GREM2: variants seen among roughly 807,000 people sequenced by gnomAD.
The protein encoded by GREM2 is gremlin 2, DAN family BMP antagonist, also known as gremlin-2.
A neutral mutation model predicts 14.2 loss-of-function variants in GREM2; 11 were observed. The observed-to-expected ratio is 0.78, with a 90% CI of 0.49 to 1.28. The LOEUF (loss-of-function observed/expected upper bound fraction) is 1.28. GREM2 is among the 50% of genes most tolerant of loss of function. The pLI is 0.00. For synonymous variants in GREM2, 98 were observed against 97.6 expected, an observed-to-expected ratio of 1.00 and a Z score of -0.02; for missense variants, 210 against 218.5, an observed-to-expected ratio of 0.96 and a Z score of 0.24.
chr1:240,500,873 G>A (rs551401246), intron 1 of GREM2, among the ~76,000 whole-genome samples: 8 of 152,190 alleles, frequency 5.3e-5, no homozygotes, highest in South Asian at 2.1e-4. Flanking sequence ...GGCACCGGGC[G>A]GTGGAAATGC....
chr1:240,541,947 C>T (rs906069679), intron 1 of GREM2, among the ~76,000 whole-genome samples: 8 of 152,108 alleles, frequency 5.3e-5, no homozygotes, highest in Middle Eastern at 3.2e-3. Flanking sequence ...CCTATCTCCA[C>T]GTCTCTACTC....
At chr1:240,493,761 C>T (rs562678611) in intron 1 of GREM2, among the ~76,000 whole-genome samples, 7 of 152,184 alleles carry the variant, frequency 4.6e-5, no homozygotes, top group African/African-American at 7.2e-5. Context: ...GAACTCCTGG[C>T]CTCAAGCGCT....
chr1:240,520,054 T>C (rs1038608636), intron 1 of GREM2, among the ~76,000 whole-genome samples: 1 of 138,420 alleles, frequency 7.2e-6, no homozygotes, highest in African/African-American at 2.8e-5. Flanking sequence ...CACTCCAGCC[T>C]GGGCAACAAG....
intron 1 of GREM2, among the ~76,000 whole-genome samples, chr1:240,520,607 A>G (rs1678062641): frequency 1.3e-5 from 2 of 152,064 alleles, no homozygotes; most frequent in Admixed American, 6.5e-5. Flanking sequence ...CAGTGGTACA[A>G]TCTCGGCTCA....
intron 1 of GREM2, among the ~76,000 whole-genome samples, chr1:240,565,862 AC>A (rs1410689158): frequency 4.0e-5 from 6 of 151,264 alleles, no homozygotes; most frequent in South Asian, 2.1e-4. Flanking sequence ...AAAAAAAAAA[AC>A]AAAACAAAAC....
At chr1:240,499,463 A>C (rs529980129) in intron 1 of GREM2, among the ~76,000 whole-genome samples, 47 of 152,310 alleles carry the variant, frequency 3.1e-4, no homozygotes, top group African/African-American at 1.1e-3. Flanking sequence ...CCCATTACCC[A>C]AGTGAAAACC....
intron 1 of GREM2, chr1:240,549,761 G>A (rs887607825): frequency 7.2e-5 from 11 of 152,324 alleles, no homozygotes; most frequent in Non-Finnish European, 1.2e-4. Context: ...AAGGCAGAAA[G>A]GGGAAGGTAC....
At chr1:240,520,486 A>G (rs1678059776) in intron 1 of GREM2, among the ~76,000 whole-genome samples, 1 of 152,234 alleles carries the variant, frequency 6.6e-6, no homozygotes, top group Non-Finnish European at 1.5e-5. Flanking sequence ...TAGATGTTTC[A>G]TAAAAGTGTC....
intron 1 of GREM2, among the ~76,000 whole-genome samples, chr1:240,514,491 T>C (rs2103295225): frequency 6.6e-6 from 1 of 151,794 alleles, no homozygotes; most frequent in East Asian, 1.9e-4. Context: ...CACACTGGAG[T>C]AAGAACAATG....
chr1:240,594,474 A>T (rs895976621), intron 1 of GREM2, among the ~76,000 whole-genome samples: 1 of 152,208 alleles, frequency 6.6e-6, no homozygotes, highest in East Asian at 1.9e-4. Flanking sequence ...CTAAGAAGAC[A>T]GGAAAACTGG....
chr1:240,591,697 G>A (rs528391778), intron 1 of GREM2, among the ~76,000 whole-genome samples: 34 of 152,266 alleles, frequency 2.2e-4, no homozygotes, highest in Admixed American at 9.2e-4. Flanking sequence ...GGTTGCCCAA[G>A]ACCTGGTCAT....
At chr1:240,548,567 G>GT (rs1171930895) in intron 1 of GREM2, among the ~76,000 whole-genome samples, 14 of 152,148 alleles carry the variant, frequency 9.2e-5, no homozygotes, top group Non-Finnish European at 2.1e-4. Context: ...GTATAAACTG[G>GT]TTTTGGCTAA....
intron 1 of GREM2, among the ~76,000 whole-genome samples, chr1:240,541,701 TG>T (rs1678592772): frequency 6.6e-6 from 1 of 152,202 alleles, no homozygotes; most frequent in Non-Finnish European, 1.5e-5. Flanking sequence ...ATTTTTTTTT[TG>T]AAGTAAGTAT....
intron 1 of GREM2, among the ~76,000 whole-genome samples, chr1:240,606,660 T>A (rs558857867): frequency 2.0e-5 from 3 of 151,882 alleles, no homozygotes; most frequent in African/African-American, 7.2e-5. Context: ...TGTGGAAGAG[T>A]TAAGATTGAA....
chr1:240,570,056 G>A (rs1679231014), intron 1 of GREM2, among the ~76,000 whole-genome samples: 1 of 152,124 alleles, frequency 6.6e-6, no homozygotes, highest in African/African-American at 2.4e-5. Flanking sequence ...CTTCTATTCT[G>A]TGGATGCTTT....
chr1:240,602,781 C>T (rs1440149232), intron 1 of GREM2, among the ~76,000 whole-genome samples: 1 of 150,678 alleles, frequency 6.6e-6, no homozygotes, highest in East Asian at 2.0e-4. Flanking sequence ...CGCCACTGCA[C>T]TCCAGCCTGG....
intron 1 of GREM2, among the ~76,000 whole-genome samples, chr1:240,561,953 T>C (rs1679048956): frequency 6.6e-6 from 1 of 152,202 alleles, no homozygotes; most frequent in African/African-American, 2.4e-5. Context: ...CTGAAAGCCA[T>C]ACTCTTTCCT....
chr1:240,490,485 C>A lies in GREM2; in HGVS notation c.*2484G>T, dbSNP rs978731978. On this transcript the variant is annotated 3_prime_UTR_variant, in exon 2 of 2. Transcript: ENST00000318160. ...ATTCCACTTTTATGGCACGTCACAC[C>A]GGGATCACATATAATCCTAGATTAT... 1 of 152,488 alleles carries A rather than the reference C, an allele frequency of 6.6e-6. No homozygotes were observed. 9.4% of individuals were successfully genotyped at this position (152,488 alleles called of 1,614,324 possible). A position where few individuals can be genotyped will look rare whatever the true frequency, so the allele number is the denominator to read the frequency against.
chr1:240,536,503 C>G (rs12133882), intron 1 of GREM2, among the ~76,000 whole-genome samples: 17,889 of 152,228 alleles, frequency 0.12, 1,342 homozygotes, highest in East Asian at 0.23. Flanking sequence ...TTTTCTCAGT[C>G]CAAGAGGGGG....
Sources: allele counts gnomAD v4.1 joint callset (sites outside exome capture counted in the v4.1 genomes callset), GRCh38; gene constraint gnomAD v4.1.1; transcripts MANE v1.5; gene names NCBI Gene and HGNC (gene_info 2026-07-23, HGNC 2026-07-21).